Variants in LRRC7 observed in about 807,000 individuals in gnomAD.
LRRC7 encodes leucine rich repeat containing 7.
In LRRC7, 23 loss-of-function variants were observed where a neutral mutation model predicts 175.7. That is an observed-to-expected ratio of 0.13 (90% CI 0.09 to 0.19). The LOEUF (loss-of-function observed/expected upper bound fraction) is 0.19, where lower values mean the gene tolerates loss of function less well. LRRC7 is among the 10% of genes least tolerant of loss of function. The pLI, the probability that LRRC7 is intolerant of heterozygous loss-of-function variation, is 1.00. For missense variants in LRRC7, 1,354 were observed against 1,904.7 expected (o/e 0.71, Z 5.38); for synonymous variants, 685 against 680.9 (o/e 1.01, Z -0.09).
At chr1:69,631,328 T>G (rs1255680725) in intron 1 of LRRC7, among the ~76,000 whole-genome samples, 2 of 152,142 alleles carry the variant, frequency 1.3e-5, no homozygotes, top group African/African-American at 4.8e-5. Flanking sequence ...CTACCCATTT[T>G]GGTCCTTGCT....
In LRRC7 at chr1:69,769,830, T is replaced by A. The variant is rs1672024379; in HGVS notation, c.303+9437T>A. 3.9e-5 allele frequency among the ~76,000 whole-genome samples: 6 copies of A among 152,212 alleles called. No homozygotes were observed. The South Asian group carries it at 1.2e-3, about 31-fold the overall frequency. On this transcript the variant is annotated intron_variant, in intron 3 of 26. Transcript: ENST00000651989. ...ACAGAAAGTTCTTTTAGTTGCTTAA[T>A]CAATGGCTATAGATTACTATTTAAT...
chr1:69,998,148 T>A (rs1655182592), intron 11 of LRRC7, among the ~76,000 whole-genome samples: 2 of 152,208 alleles, frequency 1.3e-5, no homozygotes, highest in Admixed American at 1.3e-4. Flanking sequence ...TTATTAAGTA[T>A]AATTGACATA....
intron 1 of LRRC7, among the ~76,000 whole-genome samples, chr1:69,660,643 C>T (rs1165295176): frequency 1.3e-5 from 2 of 151,976 alleles, no homozygotes; most frequent in Non-Finnish European, 1.5e-5. Context: ...GAAGGGATTC[C>T]AAAGAGAAGA....
At chr1:69,668,216 T>C (rs1051249588) in intron 1 of LRRC7, among the ~76,000 whole-genome samples, 2 of 152,186 alleles carry the variant, frequency 1.3e-5, no homozygotes, top group African/African-American at 4.8e-5. Context: ...TACATAGGTA[T>C]ATATGTGCCA....
At chr1:70,067,040 A>ATGT (rs2102101960) in intron 23 of LRRC7, among the ~76,000 whole-genome samples, 1 of 152,190 alleles carries the variant, frequency 6.6e-6, no homozygotes, top group Non-Finnish European at 1.5e-5. Context: ...AACGTTGAAC[A>ATGT]TCTTTTTATG....
chr1:69,781,693 A>AAGAG lies in LRRC7; in HGVS notation c.304-10347_304-10346insGAGA. The stretch of plus-strand genomic sequence containing the variant: ...CAAGACTGTCTCAAAAAAAAGAAGA[A>AAGAG]AGAAAGAAAGAAAGAAAGAAAGAAA... On this transcript the variant is annotated intron_variant, in intron 3 of 26. Coordinates refer to ENST00000651989, the MANE Select transcript of LRRC7 (RefSeq NM_001370785.2). 8.8e-5 allele frequency among the ~76,000 whole-genome samples: 2 copies of AAGAG among 22,722 alleles called. 1 individual carries two copies. The highest frequency in any genetic ancestry group is 1.4e-4 in the Non-Finnish European group (2 of 13,894). 14.9% of individuals were successfully genotyped at this position (22,722 alleles called of 152,430 possible). A position where few individuals can be genotyped will look rare whatever the true frequency, so the allele number is the denominator to read the frequency against.
At chr1:69,719,675 T>C (rs1436972003) in intron 2 of LRRC7, among the ~76,000 whole-genome samples, 4 of 151,700 alleles carry the variant, frequency 2.6e-5, no homozygotes, top group Admixed American at 1.3e-4. Flanking sequence ...TTTCTTTTTC[T>C]GTCTACAGTA....
intron 25 of LRRC7, among the ~76,000 whole-genome samples, chr1:70,103,502 T>A (rs1369716449): frequency 6.6e-6 from 1 of 152,146 alleles, no homozygotes; most frequent in East Asian, 1.9e-4. Flanking sequence ...AGCCTAGGAA[T>A]GTGGACATTT....
intron 24 of LRRC7, among the ~76,000 whole-genome samples, chr1:70,088,381 ACT>A (rs1018590564): frequency 3.8e-4 from 57 of 151,972 alleles, no homozygotes; most frequent in Non-Finnish European, 1.5e-4. Flanking sequence ...ACACAGCAAG[ACT>A]CTATCTCTAG....
At chr1:70,092,465 G>T (rs2102174545) in intron 25 of LRRC7, among the ~76,000 whole-genome samples, 1 of 152,200 alleles carries the variant, frequency 6.6e-6, no homozygotes, top group Middle Eastern at 3.4e-3. Context: ...TGAATGTTTT[G>T]CTGCTCAAAA....
intron 24 of LRRC7, among the ~76,000 whole-genome samples, chr1:70,079,501 T>C (rs1663058104): frequency 6.6e-6 from 1 of 152,244 alleles, no homozygotes; most frequent in Non-Finnish European, 1.5e-5. Context: ...CAATAATTTC[T>C]GTTAAAGTAA....
intron 8 of LRRC7, among the ~76,000 whole-genome samples, chr1:69,936,406 T>G (rs2101785664): frequency 6.6e-6 from 1 of 152,314 alleles, no homozygotes; most frequent in Non-Finnish European, 1.5e-5. Flanking sequence ...TCTTCATTTA[T>G]TTTCTATTTT....
At chr1:69,742,064 G>A (rs566946544) in intron 2 of LRRC7, among the ~76,000 whole-genome samples, 1 of 151,934 alleles carries the variant, frequency 6.6e-6, no homozygotes, top group African/African-American at 2.4e-5. Context: ...ATATGTGTAG[G>A]TGTGTGTTTT....
At chr1:69,674,043 T>C (rs1659459590) in intron 1 of LRRC7, among the ~76,000 whole-genome samples, 1 of 152,154 alleles carries the variant, frequency 6.6e-6, no homozygotes. Context: ...GGCCTCGCTC[T>C]ATTGCCCAGG....
At chr1:70,087,430 A>C (rs1663697433) in intron 24 of LRRC7, among the ~76,000 whole-genome samples, 1 of 152,170 alleles carries the variant, frequency 6.6e-6, no homozygotes, top group African/African-American at 2.4e-5. Flanking sequence ...AATGCATAGA[A>C]ACATTGAAAA....
In LRRC7 at chr1:70,140,477, T is replaced by G. The variant is rs1667022972; in HGVS notation, c.*18590T>G. 1 of 152,160 alleles carries G rather than the reference T, an allele frequency of 6.6e-6. No individual in the cohort carries two copies. Among genetic ancestry groups the G allele is most frequent in the African/African-American group, 2.4e-5 (1 of 41,432 alleles). The allele number at this position is 152,160 out of a possible 1,614,324, so 9.4% of individuals were successfully genotyped here. A position where few individuals can be genotyped will look rare whatever the true frequency, so the allele number is the denominator to read the frequency against. On this transcript the variant is annotated 3_prime_UTR_variant, in exon 27 of 27. Coordinates refer to ENST00000651989, the MANE Select transcript of LRRC7 (RefSeq NM_001370785.2). Reference sequence around the variant, plus strand: ...GTAGAAATCAACTCCCTATCAATTTTCTACATTTAATCCTTGGCTTCTTGT... The same window carrying G: ...GTAGAAATCAACTCCCTATCAATTTGCTACATTTAATCCTTGGCTTCTTGT...
At chr1:69,836,518 A>G (rs6691577) in intron 6 of LRRC7, among the ~76,000 whole-genome samples, 72,302 of 151,642 alleles carry the variant, frequency 0.48, 17,580 homozygotes, top group Middle Eastern at 0.59. Flanking sequence ...TGGGCAAGTG[A>G]AAAACATAAT....
intron 2 of LRRC7, among the ~76,000 whole-genome samples, chr1:69,715,807 A>T (rs1279971073): frequency 2.0e-5 from 3 of 152,052 alleles, no homozygotes. Flanking sequence ...AATACATTTT[A>T]CATTTATTAT....
Position 69,583,932 on chromosome 1 carries a change from G to A in LRRC7, c.2+15291G>A, listed in dbSNP as rs568725477. Among the ~76,000 whole-genome samples, 19 of 152,238 alleles carry A rather than the reference G, an allele frequency of 1.2e-4. No individual in the cohort carries two copies. In the South Asian group the frequency reaches 3.7e-3, roughly 30 times the overall value. ...GACAGAAAGGTATTTGGGACTGCCAGTTCTGCCTCTTAATGAATATCTTCT... is the reference window on the plus strand; with the variant it reads ...GACAGAAAGGTATTTGGGACTGCCAATTCTGCCTCTTAATGAATATCTTCT... On this transcript the variant is annotated intron_variant, in intron 1 of 26. Coordinates refer to ENST00000651989, the MANE Select transcript of LRRC7 (RefSeq NM_001370785.2).
Sources: gnomAD v4.1 joint callset for allele counts (sites outside exome capture counted in the v4.1 genomes callset) on GRCh38, gnomAD v4.1.1 for gene constraint, MANE v1.5 for transcripts, NCBI Gene and HGNC (gene_info 2026-07-23, HGNC 2026-07-21) for gene names.